MSRA: variants seen among roughly 807,000 people sequenced by gnomAD.
The protein encoded by MSRA is mitochondrial peptide methionine sulfoxide reductase.
A neutral mutation model predicts 31.3 loss-of-function variants in MSRA; 54 were observed. That is an observed-to-expected ratio of 1.73 (90% CI 1.39 to 2.17). The LOEUF (loss-of-function observed/expected upper bound fraction) is 2.17, where lower values mean the gene tolerates loss of function less well. MSRA is among the 30% of genes most tolerant of loss of function. The pLI is 0.00. For missense variants in MSRA, 507 were observed against 300.9 expected, an observed-to-expected ratio of 1.69 and a Z score of -5.07; for synonymous variants, 169 against 116.5, an observed-to-expected ratio of 1.45 and a Z score of -2.90.
intron 5 of MSRA, among the ~76,000 whole-genome samples, chr8:10,394,519 C>G (rs1307161157): frequency 1.3e-5 from 2 of 152,228 alleles, no homozygotes; most frequent in African/African-American, 4.8e-5. Flanking sequence ...CAGCCCTTTT[C>G]TCTATATCAT....
At chr8:10,161,854 C>G (rs2129042388) in intron 1 of MSRA, among the ~76,000 whole-genome samples, 1 of 152,088 alleles carries the variant, frequency 6.6e-6, no homozygotes, top group African/African-American at 2.4e-5. Flanking sequence ...GGGCCCTGGG[C>G]AAGTCACCCC....
chr8:10,197,590 G>C (rs1808105200), intron 1 of MSRA, among the ~76,000 whole-genome samples: 1 of 152,152 alleles, frequency 6.6e-6, no homozygotes, highest in Non-Finnish European at 1.5e-5. Flanking sequence ...GTGTTCAGGA[G>C]CCACATTCTA....
At chr8:10,335,822 C>T (rs1215380776) in intron 5 of MSRA, among the ~76,000 whole-genome samples, 1 of 152,212 alleles carries the variant, frequency 6.6e-6, no homozygotes, top group African/African-American at 2.4e-5. Flanking sequence ...CTTTCACAAA[C>T]ATTCTCTCCT....
chr8:10,254,612 AC>A (rs1249269759), intron 3 of MSRA, among the ~76,000 whole-genome samples: 1 of 152,158 alleles, frequency 6.6e-6, no homozygotes, highest in Non-Finnish European at 1.5e-5. Context: ...GCTGCCCCTT[AC>A]ACAGGTGCCA....
intron 1 of MSRA, among the ~76,000 whole-genome samples, chr8:10,077,494 T>C (rs1323337714): frequency 6.7e-6 from 1 of 150,096 alleles, no homozygotes; most frequent in East Asian, 1.9e-4. Flanking sequence ...TTTTTTTTTT[T>C]TTTTTTTTAA....
chr8:10,293,682 G>A (rs73662816), intron 3 of MSRA, among the ~76,000 whole-genome samples: 2,072 of 152,226 alleles, frequency 0.014, 52 homozygotes, highest in African/African-American at 0.048. Flanking sequence ...GCAGGTCTCC[G>A]TAAAGGGTTC....
intron 2 of MSRA, among the ~76,000 whole-genome samples, chr8:10,228,031 T>C (rs1222529290): frequency 6.6e-6 from 1 of 152,192 alleles, no homozygotes; most frequent in Non-Finnish European, 1.5e-5. Flanking sequence ...CCTGCTCTCT[T>C]CTTTGCTGGA....
chr8:10,054,337 G>A lies in MSRA; in HGVS notation c.-180G>A. 1 of 495,166 alleles carries A rather than the reference G, an allele frequency of 2.0e-6. No homozygotes were observed. The highest frequency in any genetic ancestry group is 3.1e-6 in the Non-Finnish European group (1 of 320,634). 30.7% of individuals were successfully genotyped at this position (495,166 alleles called of 1,614,324 possible). On this transcript the variant is annotated 5_prime_UTR_variant, in exon 1 of 6. Transcript: ENST00000317173. ...CCCGGTGACAGCCGGTACGGCCCCG[G>A]GTTTGGGCAACCTCGATTACGGGCG...
At chr8:10,152,315 G>T (rs1803758724) in intron 1 of MSRA, among the ~76,000 whole-genome samples, 1 of 152,172 alleles carries the variant, frequency 6.6e-6, no homozygotes, top group South Asian at 2.1e-4. Flanking sequence ...GTATAAATAT[G>T]TCCAATGTAA....
rs1001803469 is a variant in MSRA, at chr8:10,373,125, A to G, written c.543+53136A>G. Among the ~76,000 whole-genome samples the G allele has an allele frequency of 7.9e-5, 12 of 152,350 alleles. No individual in the cohort carries two copies. In the East Asian group the frequency reaches 9.7e-4, roughly 12 times the overall value. ...AGGCTGGTCTCAAACTCCTGACCTC[A>G]GGTGATCTACCCTCTTCGGCCTCCC... On this transcript the variant is annotated intron_variant, in intron 5 of 5. Transcript: ENST00000317173.
At chr8:10,294,902 G>GC (rs1308611744) in intron 3 of MSRA, among the ~76,000 whole-genome samples, 2 of 152,120 alleles carry the variant, frequency 1.3e-5, no homozygotes, top group African/African-American at 4.8e-5. Context: ...CACAGGTCTT[G>GC]CTTGTGGGCC....
intron 1 of MSRA, among the ~76,000 whole-genome samples, chr8:10,096,652 C>A (rs1799175880): frequency 6.6e-6 from 1 of 152,020 alleles, no homozygotes; most frequent in African/African-American, 2.4e-5. Flanking sequence ...AGAAAGTTTA[C>A]CGATTTTCTT....
intron 3 of MSRA, among the ~76,000 whole-genome samples, chr8:10,277,598 A>G (rs1450330584): frequency 6.6e-6 from 1 of 152,222 alleles, no homozygotes; most frequent in African/African-American, 2.4e-5. Flanking sequence ...TATAAGTGGC[A>G]AAATGTACTG....
At chr8:10,361,600 C>T (rs1221421163) in intron 5 of MSRA, among the ~76,000 whole-genome samples, 2 of 152,148 alleles carry the variant, frequency 1.3e-5, no homozygotes, top group Non-Finnish European at 1.5e-5. Flanking sequence ...CAAGCCATTA[C>T]TGGGAGAGCA....
At chr8:10,206,068 A>C (rs1375617590) in intron 1 of MSRA, among the ~76,000 whole-genome samples, 10 of 152,130 alleles carry the variant, frequency 6.6e-5, no homozygotes, top group Non-Finnish European at 1.3e-4. Flanking sequence ...CTTAAGGTGT[A>C]TTCTTACGAG....
Position 10,231,640 on chromosome 8 carries a change from C to T in MSRA, c.212-13464C>T, listed in dbSNP as rs528738173. Among the ~76,000 whole-genome samples the T allele has an allele frequency of 6.9e-4, 105 of 152,274 alleles. 1 individual carries two copies. Among genetic ancestry groups the T allele is most frequent in the African/African-American group, 2.1e-3 (88 of 41,552 alleles). ...GAAAAGGGTCGGGTGCAGTGGCTCA[C>T]GCCTGTAATCCCAACACTTTGGGAG... is the stretch of plus-strand genomic sequence containing the variant. On this transcript the variant is annotated intron_variant, in intron 2 of 5. Coordinates refer to ENST00000317173, the MANE Select transcript of MSRA (RefSeq NM_012331.5).
chr8:10,392,291 C>T (rs920069913), intron 5 of MSRA, among the ~76,000 whole-genome samples: 1 of 152,226 alleles, frequency 6.6e-6, no homozygotes, highest in Non-Finnish European at 1.5e-5. Context: ...AAACATTGAG[C>T]AATGCTTACA....
At chr8:10,320,759 G>A (rs184039899) in intron 5 of MSRA, among the ~76,000 whole-genome samples, 1 of 152,312 alleles carries the variant, frequency 6.6e-6, no homozygotes, top group African/African-American at 2.4e-5. Context: ...TGTGAGGGAA[G>A]GGAAGGATCT....
chr8:10,080,239 C>G (rs2128922644), intron 1 of MSRA, among the ~76,000 whole-genome samples: 1 of 152,210 alleles, frequency 6.6e-6, no homozygotes, highest in African/African-American at 2.4e-5. Context: ...AATCCATATC[C>G]CTGCCTAGGA....
Sources: gnomAD v4.1 joint callset for allele counts (sites outside exome capture counted in the v4.1 genomes callset) on GRCh38, gnomAD v4.1.1 for gene constraint, MANE v1.5 for transcripts, NCBI Gene and HGNC (gene_info 2026-07-23, HGNC 2026-07-21) for gene names.